The following THAP4 variants were observed in gnomAD, a reference collection of about 807,000 sequenced individuals.
The protein encoded by THAP4 is peroxynitrite isomerase THAP4.
THAP4 carries 18 observed loss-of-function variants against 48.1 expected under a neutral mutation model. The ratio of observed to expected loss-of-function variants is 0.37; its 90% confidence interval spans 0.26 to 0.56. The LOEUF is 0.56. THAP4 is among the 20% of genes least tolerant of loss of function. THAP4 has a pLI of 0.78. For missense variants in THAP4, 656 were observed against 774.9 expected, an observed-to-expected ratio of 0.85 and a Z score of 1.82; for synonymous variants, 345 against 324.9, an observed-to-expected ratio of 1.06 and a Z score of -0.66.
chr2:241,589,018 C>T (rs1231371990), intron 5 of THAP4, among the ~76,000 whole-genome samples: 1 of 152,044 alleles, frequency 6.6e-6, no homozygotes, highest in Admixed American at 6.5e-5. Flanking sequence ...TCGAGACCGG[C>T]CTGGCCAACA....
chr2:241,604,423 G>C (rs551114695), intron 3 of THAP4, among the ~76,000 whole-genome samples: 2 of 151,990 alleles, frequency 1.3e-5, no homozygotes, highest in East Asian at 3.9e-4. Context: ...GGCTAATTTT[G>C]TAATTTTAGT....
At chr2:241,587,367 A>G (rs2066907234) in intron 5 of THAP4, among the ~76,000 whole-genome samples, 1 of 152,168 alleles carries the variant, frequency 6.6e-6, no homozygotes, top group African/African-American at 2.4e-5. Flanking sequence ...AGATGTCACC[A>G]GCACCTCCTC....
chr2:241,636,479 G>A lies in THAP4; in HGVS notation c.77+462C>T, dbSNP rs140007211. ...CAGCCGGCCGTCCCGTAGACTCTCC[G>A]CGCGTACCCGCGTCCTGGGCTCGGG... On this transcript the variant is annotated intron_variant, in intron 1 of 5. Coordinates refer to ENST00000407315, the MANE Select transcript of THAP4 (RefSeq NM_015963.6). Among the ~76,000 whole-genome samples the A allele has an allele frequency of 3.4e-3, 517 of 152,294 alleles. 1 individual carries two copies. Among genetic ancestry groups the A allele is most frequent in the Non-Finnish European group, 5.5e-3 (374 of 68,018 alleles).
intron 5 of THAP4, among the ~76,000 whole-genome samples, chr2:241,596,826 A>C (rs977725036): frequency 6.7e-6 from 1 of 148,190 alleles, no homozygotes; most frequent in African/African-American, 2.5e-5. Flanking sequence ...ACAACAACAA[A>C]AAGTCCACCT....
At chr2:241,637,378 G>A (rs778816743), upstream of THAP4, 36 of 1,393,822 alleles carry the variant, frequency 2.6e-5, no homozygotes, top group South Asian at 1.5e-4. Context: ...ATGGCTGCTC[G>A]GACGGGGACA....
intron 2 of THAP4, among the ~76,000 whole-genome samples, chr2:241,613,810 AATAAG>A (rs1360679831): frequency 2.0e-5 from 3 of 152,114 alleles, no homozygotes; most frequent in Non-Finnish European, 4.4e-5. Context: ...CATAATATAA[AATAAG>A]ATGACAGAAC....
chr2:241,595,964 C>T (rs1461511962), intron 5 of THAP4, among the ~76,000 whole-genome samples: 2 of 152,168 alleles, frequency 1.3e-5, no homozygotes, highest in African/African-American at 2.4e-5. Context: ...CAATGGAGCG[C>T]GTCCCGTGGG....
In THAP4 at chr2:241,603,056, G is replaced by A. The variant is rs1301665750; in HGVS notation, c.1424C>T (p.Thr475Met). The A allele has an allele frequency of 2.5e-6, 4 of 1,613,928 alleles. No individual in the cohort carries two copies. Among genetic ancestry groups the A allele is most frequent in the South Asian group, 1.1e-5 (1 of 91,084 alleles). ...ACACTCTCTGTGCATCGGCTTGCGC[G>A]TGTCCGGGTGGAAGGAGTTGAACCT... The part of the protein sequence containing the change: ...NFSFNSFHPD[T>M]RKPMHRECGF... Residue 475 changes from threonine to methionine, a missense_variant, in exon 4 of 6, where the codon ACG becomes ATG. Around this residue, in one of 4 missense-constraint regions of THAP4, gnomAD observed 176 missense variants for 256.7 expected, o/e 0.69. Coordinates refer to ENST00000407315, the MANE Select transcript of THAP4 (RefSeq NM_015963.6).
In THAP4 at chr2:241,627,455, C is replaced by T. The variant is rs145929663; in HGVS notation, c.1240+5462G>A. Among the ~76,000 whole-genome samples, 27 of 152,286 alleles carry T rather than the reference C, an allele frequency of 1.8e-4. No homozygotes were observed. The East Asian group carries it at 4.8e-3, about 27-fold the overall frequency. Reference sequence around the variant, plus strand: ...GTTCATAGACGTGCTAACAATGTACCCTCAAGGAATCGCTGCTGGCGGAGA... The same window carrying T: ...GTTCATAGACGTGCTAACAATGTACTCTCAAGGAATCGCTGCTGGCGGAGA... On this transcript the variant is annotated intron_variant, in intron 2 of 5. Transcript: ENST00000407315.
chr2:241,632,989 G>A lies in THAP4; in HGVS notation c.1168C>T (p.Leu390=). ...CTCAGCTCATCCAGCTTCTCCTGTAGCTTCCGCACCTGGCTGTCGGAGCGG... is the reference window on the plus strand; with the variant it reads ...CTCAGCTCATCCAGCTTCTCCTGTAACTTCCGCACCTGGCTGTCGGAGCGG... ...VSRSDSQVRK[L]QEKLDELRRV... Residue 390 remains leucine, a synonymous_variant, in exon 2 of 6, where the codon CTA becomes TTA. Coordinates refer to ENST00000407315, the MANE Select transcript of THAP4 (RefSeq NM_015963.6). 6.2e-7 allele frequency: 1 copy of A among 1,613,708 alleles called. No individual in the cohort carries two copies. Among genetic ancestry groups the A allele is most frequent in the Non-Finnish European group, 8.5e-7 (1 of 1,179,926 alleles).
chr2:241,591,291 C>G (rs551849024), intron 5 of THAP4, among the ~76,000 whole-genome samples: 1 of 152,274 alleles, frequency 6.6e-6, no homozygotes, highest in African/African-American at 2.4e-5. Flanking sequence ...GAAACCAGGC[C>G]GGGGGCTTGA....
At chr2:241,602,809 C>T (rs375273362) in intron 4 of THAP4, among the ~76,000 whole-genome samples, 161 bp downstream of exon 4, 22 of 152,344 alleles carry the variant, frequency 1.4e-4, no homozygotes, top group African/African-American at 4.3e-4. Context: ...CAGTCGGCCC[C>T]GCAGGCTCCC....
intron 2 of THAP4, among the ~76,000 whole-genome samples, chr2:241,631,073 AT>A (rs1423993056): frequency 6.6e-6 from 1 of 152,184 alleles, no homozygotes; most frequent in Non-Finnish European, 1.5e-5. Flanking sequence ...ATAAAATAAA[AT>A]TCCAAGAGAA....
At chr2:241,593,841 C>A (rs1279741997) in intron 5 of THAP4, among the ~76,000 whole-genome samples, 1 of 152,144 alleles carries the variant, frequency 6.6e-6, no homozygotes, top group East Asian at 1.9e-4. Flanking sequence ...CATGCCTCCC[C>A]AAGCCCGGCT....
At chr2:241,598,108 G>A (rs2067071454) in intron 5 of THAP4, among the ~76,000 whole-genome samples, 1 of 152,144 alleles carries the variant, frequency 6.6e-6, no homozygotes, top group Non-Finnish European at 1.5e-5. Flanking sequence ...AGAGAAAACA[G>A]TATCTATTAC....
intron 2 of THAP4, among the ~76,000 whole-genome samples, chr2:241,628,217 G>A (rs1055750286): frequency 7.3e-5 from 11 of 149,984 alleles, no homozygotes; most frequent in African/African-American, 2.7e-4. Flanking sequence ...CCTTCCCCTG[G>A]ACCCGCCTCG....
intron 5 of THAP4, among the ~76,000 whole-genome samples, chr2:241,600,053 G>A (rs1019688262): frequency 4.6e-5 from 7 of 152,036 alleles, no homozygotes; most frequent in African/African-American, 1.7e-4. Context: ...AAAATTAGCT[G>A]GGCATGGTGG....
chr2:241,626,342 G>A (rs2067495499), intron 2 of THAP4, among the ~76,000 whole-genome samples: 1 of 152,112 alleles, frequency 6.6e-6, no homozygotes, highest in Admixed American at 6.5e-5. Context: ...TTGGGAGGCT[G>A]AGGCAGGAGA....
chr2:241,606,313 C>T lies in THAP4; in HGVS notation c.1400+1G>A. On this transcript the variant is annotated splice_donor_variant, in intron 3 of 5. Coordinates refer to ENST00000407315, the MANE Select transcript of THAP4 (RefSeq NM_015963.6). LOFTEE classifies it high-confidence loss of function. ...GGGTGGGGTGGAGGGAGACAACTTA[C>T]GAGAAGTTCAGCATGGGCTGGCCCA... The T allele has an allele frequency of 6.4e-7, 1 of 1,550,588 alleles. No individual in the cohort carries two copies. The highest frequency in any genetic ancestry group is 8.7e-7 in the Non-Finnish European group (1 of 1,145,670).
Sources: gnomAD v4.1 joint callset for allele counts (sites outside exome capture counted in the v4.1 genomes callset) on GRCh38, gnomAD v4.1.1 for gene constraint, gnomAD v4.1.1 regional missense constraint, MANE v1.5 for transcripts, NCBI Gene and HGNC (gene_info 2026-07-23, HGNC 2026-07-21) for gene names.